COL12A1: variants seen among roughly 807,000 people sequenced by gnomAD.
COL12A1 encodes the protein collagen type XII alpha 1 chain, also known as collagen alpha-1(XII) chain.
A neutral mutation model predicts 349.7 loss-of-function variants in COL12A1; 114 were observed. That is an observed-to-expected ratio of 0.33 (90% CI 0.28 to 0.38). The LOEUF (loss-of-function observed/expected upper bound fraction) is 0.38, where lower values mean the gene tolerates loss of function less well. COL12A1 is among the 10% of genes least tolerant of loss of function. The pLI, the probability that COL12A1 is intolerant of heterozygous loss-of-function variation, is 1.00. For missense variants in COL12A1, 3,284 were observed against 3,756.9 expected (o/e 0.87, Z 3.29); for synonymous variants, 1,369 against 1,329.0 (o/e 1.03, Z -0.66).
intron 24 of COL12A1, 78 bp downstream of exon 24, chr6:75,146,024 G>A: frequency 7.4e-7 from 1 of 1,354,666 alleles, no homozygotes; most frequent in Non-Finnish European, 9.8e-7. Context: ...GAGTTTGTAA[G>A]TAACTGCAGT....
In COL12A1 at chr6:75,125,216, T is replaced by C. The variant is rs758085379; in HGVS notation, c.6518A>G (p.Asn2173Ser). 1.4e-5 allele frequency: 22 copies of C among 1,612,036 alleles called. No individual in the cohort carries two copies. The highest frequency in any genetic ancestry group is 2.2e-5 in the East Asian group (1 of 44,752). Residue 2173 changes from asparagine to serine, a missense_variant, in exon 40 of 66, where the codon AAT becomes AGT. By Grantham distance (46) the Asn-to-Ser change is conservative. Coordinates refer to ENST00000322507, the MANE Select transcript of COL12A1 (RefSeq NM_004370.6). ...ATCGTAGGTGGTGCTGGGATTGAGATTGTGTAAGGTATATGATGTCATTTC... is the reference window on the plus strand; with the variant it reads ...ATCGTAGGTGGTGCTGGGATTGAGACTGTGTAAGGTATATGATGTCATTTC... ...VGEMTSYTLH[N>S]LNPSTTYDVN...
At chr6:75,091,294 T>G in intron 62 of COL12A1, 29 bp downstream of exon 62, 1 of 1,584,646 alleles carries the variant, frequency 6.3e-7, no homozygotes, top group South Asian at 1.1e-5. Context: ...TTAAAACAAT[T>G]CATACAGTAA....
At position 75,146,094 on chromosome 6, in the gene COL12A1, T is replaced by A. The variant is rs759466858; in HGVS notation, c.4560+8A>T. On this transcript the variant is annotated splice_region_variant and intron_variant, in intron 24 of 65. Transcript: ENST00000322507. ...AGACCCAATGTTAAAGAAACAAACA[T>A]CTTTCACCTCTTTGGGTCTTGTTGG... The A allele has an allele frequency of 6.3e-7, 1 of 1,585,992 alleles. No homozygotes were observed. The highest frequency in any genetic ancestry group is 8.6e-7 in the Non-Finnish European group (1 of 1,168,546).
chr6:75,091,852 C>A (rs1582033343), intron 60 of COL12A1, among the ~76,000 whole-genome samples: 2 of 152,140 alleles, frequency 1.3e-5, no homozygotes, highest in African/African-American at 4.8e-5. Flanking sequence ...AACTAAAATA[C>A]ATATGAAGAT....
At position 75,115,799 on chromosome 6, in the gene COL12A1, A is replaced by G. The variant is rs1769048207; in HGVS notation, c.7682T>C (p.Val2561Ala). 6.2e-7 allele frequency: 1 copy of G among 1,611,706 alleles called. No individual in the cohort carries two copies. The highest frequency in any genetic ancestry group is 1.3e-5 in the African/African-American group (1 of 74,840). The part of the protein sequence containing the change: ...SAYRIQKNAF[V>A]NQPTADLHPN... Reference sequence around the variant, plus strand: ...TCACACTTACGCTGTAGGCTGATTCACAAACGCATTCTTCTGAATCCTGTA... The same window carrying G: ...TCACACTTACGCTGTAGGCTGATTCGCAAACGCATTCTTCTGAATCCTGTA... The change falls in exon 49 of 66, where the codon GTG becomes GCG. Residue 2561 changes from valine to alanine, a missense_variant. Coordinates refer to ENST00000322507, the MANE Select transcript of COL12A1 (RefSeq NM_004370.6).
At chr6:75,145,546 A>G in intron 24 of COL12A1, 91 bp from the exon 25 acceptor site, 2 of 1,289,004 alleles carry the variant, frequency 1.6e-6, no homozygotes, top group Non-Finnish European at 1.1e-6. Flanking sequence ...TATTTGTACT[A>G]GATTATAATA....
intron 14 of COL12A1, among the ~76,000 whole-genome samples, chr6:75,159,375 T>C (rs998434833): frequency 6.1e-5 from 9 of 148,480 alleles, no homozygotes; most frequent in Non-Finnish European, 1.3e-4. Context: ...CTATTATTAT[T>C]CTCCAGGTAC....
intron 14 of COL12A1, among the ~76,000 whole-genome samples, chr6:75,164,857 T>C (rs1025069272): frequency 6.6e-6 from 1 of 151,636 alleles, no homozygotes; most frequent in Admixed American, 6.6e-5. Context: ...AAAATATCAG[T>C]AAGAGTGAGG....
intron 14 of COL12A1, 61 bp from the exon 15 acceptor site, chr6:75,156,584 C>T: frequency 2.7e-6 from 4 of 1,488,252 alleles, no homozygotes; most frequent in Non-Finnish European, 3.7e-6. Context: ...ATGTCCACCT[C>T]TTCATTTATG....
At chr6:75,160,995 A>T (rs1172352158) in intron 14 of COL12A1, among the ~76,000 whole-genome samples, 1 of 152,150 alleles carries the variant, frequency 6.6e-6, no homozygotes, top group Non-Finnish European at 1.5e-5. Flanking sequence ...TTATTCACCC[A>T]TTTATTCCAG....
At chr6:75,123,436 C>G in intron 42 of COL12A1, 32 bp from the exon 43 acceptor site, 2 of 1,477,270 alleles carry the variant, frequency 1.4e-6, no homozygotes, top group Non-Finnish European at 1.8e-6. Context: ...TATAAAAACA[C>G]ACCATGTGCA....
chr6:75,115,732 A>G (rs1168118257), intron 49 of COL12A1, 52 bp downstream of exon 49: 7 of 1,552,798 alleles, frequency 4.5e-6, no homozygotes, highest in Non-Finnish European at 5.2e-6. Context: ...AAATATTCCA[A>G]GAACTTTTTG....
At chr6:75,127,814 T>C (rs1366439144) in intron 38 of COL12A1, among the ~76,000 whole-genome samples, 2 of 152,186 alleles carry the variant, frequency 1.3e-5, no homozygotes, top group Non-Finnish European at 2.9e-5. Context: ...TGCAAATTGC[T>C]TAGTACAATA....
At chr6:75,117,569 T>A (rs753843607) in intron 46 of COL12A1, 23 bp from the exon 47 acceptor site, 3 of 1,603,024 alleles carry the variant, frequency 1.9e-6, no homozygotes, top group East Asian at 4.5e-5. Context: ...ATTTATAGAA[T>A]GAATCACGTA....
At chr6:75,187,036 G>A (rs935667694) in intron 8 of COL12A1, among the ~76,000 whole-genome samples, 1 of 151,734 alleles carries the variant, frequency 6.6e-6, no homozygotes, top group African/African-American at 2.4e-5. Context: ...CTTACTACCT[G>A]GGTGATGAAA....
intron 31 of COL12A1, among the ~76,000 whole-genome samples, chr6:75,136,062 C>T (rs1435295193): frequency 2.0e-5 from 3 of 152,174 alleles, no homozygotes; most frequent in Admixed American, 6.5e-5. Flanking sequence ...GATAAGTTTA[C>T]GAGACTCTTT....
At chr6:75,116,379 G>C (rs1769080720) in intron 47 of COL12A1, among the ~76,000 whole-genome samples, 1 of 152,034 alleles carries the variant, frequency 6.6e-6, no homozygotes, top group Admixed American at 6.6e-5. Context: ...CCCTCCCAGG[G>C]AATTTTAGAT....
At chr6:75,132,141 G>A in intron 34 of COL12A1, 59 bp from the exon 35 acceptor site, 2 of 1,575,910 alleles carry the variant, frequency 1.3e-6, no homozygotes, top group South Asian at 1.1e-5. Context: ...TCAAGCTTTT[G>A]TATCACTTTT....
intron 64 of COL12A1, among the ~76,000 whole-genome samples, chr6:75,088,598 A>G (rs1767613588): frequency 6.6e-6 from 1 of 152,174 alleles, no homozygotes; most frequent in South Asian, 2.1e-4. Flanking sequence ...TTAATGCCTA[A>G]TAGAAACTTT....
Sources: allele counts gnomAD v4.1 joint callset (sites outside exome capture counted in the v4.1 genomes callset), GRCh38; gene constraint gnomAD v4.1.1; transcripts MANE v1.5; gene names NCBI Gene and HGNC (gene_info 2026-07-23, HGNC 2026-07-21).